FSIP2: variants seen among roughly 807,000 people sequenced by gnomAD.
The protein encoded by FSIP2 is fibrous sheath-interacting protein 2.
Under a neutral mutation model 510.5 loss-of-function variants are expected in FSIP2, and 367 were observed. The ratio of observed to expected loss-of-function variants is 0.72; its 90% CI spans 0.66 to 0.78. The LOEUF (loss-of-function observed/expected upper bound fraction) is 0.78, where lower values mean the gene tolerates loss of function less well. Ranked by LOEUF, FSIP2 falls within the 30% of genes least tolerant of loss-of-function variation. The probability of loss-of-function intolerance (pLI) is 0.00; values close to 1 mark genes in which losing one functional copy is unlikely to be tolerated. For missense variants in FSIP2, 7,594 were observed against 7,901.7 expected (o/e 0.96, Z 1.48); for synonymous variants, 2,601 against 2,732.2 (o/e 0.95, Z 1.50).
intron 19 of FSIP2, among the ~76,000 whole-genome samples, chr2:185,821,009 TAAAAAAAAAAAAAA>T (rs59331328): frequency 6.7e-5 from 5 of 74,962 alleles, no homozygotes; most frequent in Admixed American, 4.8e-4. Context: ...GTTGGTTCGT[TAAAAAAAAAAAAAA>T]AAAAAAAAAA....
At position 185,800,090 on chromosome 2, in the gene FSIP2, T is replaced by C. The variant is rs1455805829; in HGVS notation, c.10784T>C (p.Ile3595Thr). Reference sequence around the variant, plus strand: ...ACAAAATACACTTACTGTCCAGGAATAGTTTCTGGTGGCTTTGATGACCTC... The same window carrying C: ...ACAAAATACACTTACTGTCCAGGAACAGTTTCTGGTGGCTTTGATGACCTC... ...IPTKYTYCPG[I>T]VSGGFDDLFQ... Residue 3595 changes from isoleucine to threonine, a missense_variant, in exon 17 of 23, where the codon ATA becomes ACA. Coordinates refer to ENST00000424728, the MANE Select transcript of FSIP2 (RefSeq NM_173651.4). The C allele has an allele frequency of 6.5e-7, 1 of 1,532,702 alleles. No homozygotes were observed. Among genetic ancestry groups the C allele is most frequent in the Non-Finnish European group, 8.7e-7 (1 of 1,144,396 alleles). 94.9% of individuals were successfully genotyped at this position (1,532,702 alleles called of 1,614,324 possible). A position where few individuals can be genotyped will look rare whatever the true frequency, so the allele number is the denominator to read the frequency against.
Position 185,800,265 on chromosome 2 carries a change from C to T in FSIP2, c.10959C>T (p.Ser3653=). The change falls in exon 17 of 23, where the codon AGC becomes AGT. Residue 3653 remains serine, a synonymous_variant. Coordinates refer to ENST00000424728, the MANE Select transcript of FSIP2 (RefSeq NM_173651.4). ...PLCNKINRQA[S]PRDWQFSTQQ... is the part of the protein sequence containing the mutation. ...GCAACAAAATCAATAGACAGGCAAG[C>T]CCCAGAGACTGGCAATTTTCTACTC... 14 of 1,533,720 alleles carry T rather than the reference C, an allele frequency of 9.1e-6. No homozygotes were observed. The highest frequency in any genetic ancestry group is 1.2e-5 in the Non-Finnish European group (14 of 1,145,502).
rs375590331 is a variant in FSIP2 at position 185,806,098 on chromosome 2, G to A, written c.16792G>A (p.Glu5598Lys). The change falls in exon 17 of 23, where the codon GAA becomes AAA. Residue 5598 changes from glutamate (E) to lysine (K), a missense_variant. Glu to Lys is a moderately conservative substitution (Grantham distance 56). Transcript: ENST00000424728. Reference sequence around the variant, plus strand: ...AATTGATGATACAGAATATGAGAAGGAAGTACTTGGATCAGATTCTGAAAT... The same window carrying A: ...AATTGATGATACAGAATATGAGAAGAAAGTACTTGGATCAGATTCTGAAAT... ...LIIDDTEYEK[E>K]VLGSDSEIGY... The A allele has an allele frequency of 6.3e-7, 1 of 1,575,280 alleles. No individual in the cohort carries two copies. Among genetic ancestry groups the A allele is most frequent in the South Asian group, 1.2e-5 (1 of 83,508 alleles).
chr2:185,754,105 A>C (rs2105545498), intron 8 of FSIP2, among the ~76,000 whole-genome samples: 1 of 151,570 alleles, frequency 6.6e-6, no homozygotes, highest in South Asian at 2.1e-4. Context: ...ATTTAAAGTA[A>C]TTACTAAAAT....
intron 22 of FSIP2, among the ~76,000 whole-genome samples, chr2:185,832,550 A>G (rs1694127494): frequency 6.6e-6 from 1 of 151,804 alleles, no homozygotes; most frequent in African/African-American, 2.4e-5. Context: ...TCAGAAAAGT[A>G]TATAAATATT....
Position 185,807,800 on chromosome 2 carries a change from T to A in FSIP2, c.18494T>A (p.Leu6165Gln), listed in dbSNP as rs72900086. ...KDVFQTTDVPLPKPSHADKLS... is the reference protein window; with the variant it reads ...KDVFQTTDVPQPKPSHADKLS... The stretch of plus-strand genomic sequence containing the variant: ...GTTTTCCAAACTACTGATGTGCCCC[T>A]ACCTAAACCTTCACATGCTGATAAG... Residue 6165 changes from leucine (L) to glutamine (Q), a missense_variant, in exon 17 of 23, where the codon CTA (leucine) becomes CAA (glutamine). By Grantham distance (113) the Leu-to-Gln change is moderately radical. Transcript: ENST00000424728. The A allele has an allele frequency of 0.22, 353,616 of 1,611,966 alleles. 40,930 individuals carry two copies. The highest frequency in any genetic ancestry group is 0.25 in the Admixed American group (14,646 of 59,752).
chr2:185,806,464 G>A lies in FSIP2; in HGVS notation c.17158G>A (p.Glu5720Lys). The A allele has an allele frequency of 6.2e-7, 1 of 1,611,276 alleles. No homozygotes were observed. The highest frequency in any genetic ancestry group is 8.5e-7 in the Non-Finnish European group (1 of 1,178,480). Residue 5720 changes from glutamate to lysine, a missense_variant, in exon 17 of 23, where the codon GAG becomes AAG. Coordinates refer to ENST00000424728, the MANE Select transcript of FSIP2 (RefSeq NM_173651.4). ...TGATAATGTATTAAATGTAATTCAA[G>A]AGATTAGCAGGGATTCGGCACAGTC... is the stretch of plus-strand genomic sequence containing the variant. ...PGDNVLNVIQ[E>K]ISRDSAQSVT...
chr2:185,791,915 G>A lies in FSIP2; in HGVS notation c.4779G>A (p.Leu1593=), dbSNP rs1158280876. The change falls in exon 16 of 23, where the codon CTG becomes CTA. Residue 1593 remains leucine, a synonymous_variant. Coordinates refer to ENST00000424728, the MANE Select transcript of FSIP2 (RefSeq NM_173651.4). ...TTCTTAATATGGTTTTTGCTAAACT[G>A]GAAGGGTTTGCCAACGGACATTTAG... ...SDILNMVFAK[L]EGFANGHLEI... is the part of the protein sequence containing the mutation. 3.3e-6 allele frequency: 5 copies of A among 1,533,768 alleles called. No homozygotes were observed. The highest frequency in any genetic ancestry group is 4.4e-6 in the Non-Finnish European group (5 of 1,145,424).
In FSIP2 at chr2:185,763,237, C is replaced by T. The variant is rs1026696383; in HGVS notation, c.1295C>T (p.Thr432Met). The T allele has an allele frequency of 6.6e-6, 10 of 1,522,678 alleles. No homozygotes were observed. In the African/African-American group the frequency reaches 8.3e-5, roughly 13 times the overall value. 94.3% of individuals were successfully genotyped at this position (1,522,678 alleles called of 1,614,324 possible). A position where few individuals can be genotyped will look rare whatever the true frequency, so the allele number is the denominator to read the frequency against. ...GSIISAQVSPTRNFSRVSQAF... is the reference protein window; with the variant it reads ...GSIISAQVSPMRNFSRVSQAF... ...ATTATTTCAGCGCAGGTATCACCCACGAGAAATTTTTCCAGAGTTTCACAG... is the reference window on the plus strand; with the variant it reads ...ATTATTTCAGCGCAGGTATCACCCATGAGAAATTTTTCCAGAGTTTCACAG... The change falls in exon 12 of 23, where the codon ACG becomes ATG. Residue 432 changes from threonine (T) to methionine (M), a missense_variant. Thr to Met is a moderately conservative substitution (Grantham distance 81, BLOSUM62 -1). Transcript: ENST00000424728.
chr2:185,824,476 A>C lies in FSIP2; in HGVS notation c.20469A>C (p.Leu6823Phe). The change falls in exon 20 of 23, where the codon TTA (leucine) becomes TTC (phenylalanine). Residue 6823 changes from leucine to phenylalanine, a missense_variant. Physicochemically the swap from Leu to Phe is conservative, Grantham distance 22. Coordinates refer to ENST00000424728, the MANE Select transcript of FSIP2 (RefSeq NM_173651.4). ...DCHSDPSAKI[L>F]EESSQEQKPE... ...ACTCAGACCCAAGTGCTAAAATATT[A>C]GAAGGTTGGACTCCTTTTTCTTAAA... 6.3e-7 allele frequency: 1 copy of C among 1,576,640 alleles called. No homozygotes were observed.
At position 185,793,495 on chromosome 2, in the gene FSIP2, G is replaced by A. The variant is rs141668297; in HGVS notation, c.6359G>A (p.Cys2120Tyr). ...TCATTTGCCACACCCACTCTGAAAT[G>A]TAGCATAGCTGATAAACATTCAGAA... is the stretch of plus-strand genomic sequence containing the variant. ...NLSFATPTLK[C>Y]SIADKHSEEN... Residue 2120 changes from cysteine (C) to tyrosine (Y), a missense_variant, in exon 16 of 23, where the codon TGT becomes TAT. Transcript: ENST00000424728. 134 of 1,534,434 alleles carry A rather than the reference G, an allele frequency of 8.7e-5. No homozygotes were observed. In the African/African-American group the frequency reaches 1.7e-3, roughly 20 times the overall value.
rs1559031262 is a variant in FSIP2, at chr2:185,799,563, C to CT, written c.10391-127dup. 4 of 434,756 alleles carry CT rather than the reference C, an allele frequency of 9.2e-6. No individual in the cohort carries two copies. In the South Asian group the frequency reaches 2.3e-4, roughly 25 times the overall value. The allele number at this position is 434,756 out of a possible 1,614,324, so 26.9% of individuals were successfully genotyped here. ...TAAATGTTTGAGGAAAATCTAATTTCTTTTTTTGTTTAGATTTTTCTTTAG... is the reference window on the plus strand; with the variant it reads ...TAAATGTTTGAGGAAAATCTAATTTCTTTTTTTTGTTTAGATTTTTCTTTAG... On this transcript the variant is annotated intron_variant, in intron 16 of 22. Transcript: ENST00000424728.
intron 20 of FSIP2, 152 bp downstream of exon 20, chr2:185,824,632 T>C: frequency 1.7e-6 from 1 of 581,428 alleles, no homozygotes; most frequent in South Asian, 2.4e-5. Flanking sequence ...ATTCAGGTGT[T>C]AAAATGAGTC....
chr2:185,748,918 C>T (rs1692089018), intron 7 of FSIP2, among the ~76,000 whole-genome samples: 1 of 151,970 alleles, frequency 6.6e-6, no homozygotes, highest in Non-Finnish European at 1.5e-5. Flanking sequence ...TCAGATTTGA[C>T]ATTATATATT....
chr2:185,832,831 G>C (rs1017816046), intron 22 of FSIP2, among the ~76,000 whole-genome samples: 2 of 151,888 alleles, frequency 1.3e-5, no homozygotes, highest in Non-Finnish European at 2.9e-5. Context: ...TGTCCACACT[G>C]TATAGAGTTG....
In FSIP2 at chr2:185,806,958, A is replaced by T; in HGVS notation, c.17652A>T (p.Ile5884=). Residue 5884 remains isoleucine, a synonymous_variant, in exon 17 of 23, where the codon ATA becomes ATT. Transcript: ENST00000424728. ...TTDEAPSSIK[I]KSADKMPPMH... is the part of the protein sequence containing the mutation. ...ATGAAGCACCATCCAGCATTAAGATAAAATCTGCAGATAAAATGCCACCTA... is the reference window on the plus strand; with the variant it reads ...ATGAAGCACCATCCAGCATTAAGATTAAATCTGCAGATAAAATGCCACCTA... The T allele has an allele frequency of 6.2e-7, 1 of 1,611,418 alleles. No individual in the cohort carries two copies. Among genetic ancestry groups the T allele is most frequent in the Non-Finnish European group, 8.5e-7 (1 of 1,178,706 alleles).
rs1693466023 is a variant in FSIP2, at chr2:185,802,605, T to C, written c.13299T>C (p.Asn4433=). Residue 4433 remains asparagine (N), a synonymous_variant, in exon 17 of 23, where the codon AAT becomes AAC. Transcript: ENST00000424728. ...ATTTTTCAGCTTCTACCTATTCTAA[T>C]TCAGTGGCTGAGAATATTGTTCAGG... ...SGDFSASTYS[N]SVAENIVQDI... is the part of the protein sequence containing the mutation. The C allele has an allele frequency of 2.0e-6, 3 of 1,533,334 alleles. No homozygotes were observed. Among genetic ancestry groups the C allele is most frequent in the Non-Finnish European group, 2.6e-6 (3 of 1,145,188 alleles). 95.0% of individuals were successfully genotyped at this position (1,533,334 alleles called of 1,614,324 possible). A position where few individuals can be genotyped will look rare whatever the true frequency, so the allele number is the denominator to read the frequency against.
chr2:185,801,097 A>G lies in FSIP2; in HGVS notation c.11791A>G (p.Asn3931Asp), dbSNP rs11695215. Residue 3931 changes from asparagine (N) to aspartate (D), a missense_variant, in exon 17 of 23, where the codon AAC (asparagine) becomes GAC (aspartate). By Grantham distance (23) the Asn-to-Asp change is conservative (BLOSUM62 1). Transcript: ENST00000424728. ...VVSSKIQAPFNKHCAVKSSSV... is the reference protein window; with the variant it reads ...VVSSKIQAPFDKHCAVKSSSV... ...TAGCTCCAAAATACAAGCACCATTTAACAAGCATTGTGCAGTAAAATCCTC... is the reference window on the plus strand; with the variant it reads ...TAGCTCCAAAATACAAGCACCATTTGACAAGCATTGTGCAGTAAAATCCTC... 830,516 of 1,530,878 alleles carry G rather than the reference A, an allele frequency of 0.54. 226,841 individuals carry two copies. Among genetic ancestry groups the G allele is most frequent in the South Asian group, 0.64 (53,503 of 83,632 alleles). 94.8% of individuals were successfully genotyped at this position (1,530,878 alleles called of 1,614,324 possible).
rs1234527232 is a variant in FSIP2 at position 185,804,898 on chromosome 2, A to G, written c.15592A>G (p.Ile5198Val). ...TTTGGTCGACTCCATATGTAATAATATTTTGAAAACATCTGAATTCCAAGC... is the reference window on the plus strand; with the variant it reads ...TTTGGTCGACTCCATATGTAATAATGTTTTGAAAACATCTGAATTCCAAGC... ...ENLVDSICNN[I>V]LKTSEFQAEV... Residue 5198 changes from isoleucine to valine, a missense_variant, in exon 17 of 23, where the codon ATT (isoleucine) becomes GTT (valine). By Grantham distance (29) the Ile-to-Val change is conservative. Coordinates refer to ENST00000424728, the MANE Select transcript of FSIP2 (RefSeq NM_173651.4). 1 of 1,524,470 alleles carries G rather than the reference A, an allele frequency of 6.6e-7. No homozygotes were observed. The highest frequency in any genetic ancestry group is 2.5e-5 in the East Asian group (1 of 40,800). The allele number at this position is 1,524,470 out of a possible 1,614,324, so 94.4% of individuals were successfully genotyped here. A position where few individuals can be genotyped will look rare whatever the true frequency, so the allele number is the denominator to read the frequency against.
Sources: allele counts gnomAD v4.1 joint callset (sites outside exome capture counted in the v4.1 genomes callset), GRCh38; gene constraint gnomAD v4.1.1; transcripts MANE v1.5; gene names NCBI Gene and HGNC (gene_info 2026-07-23, HGNC 2026-07-21).